XRN2: variants seen among roughly 807,000 people sequenced by gnomAD.
XRN2 encodes DHM1-like protein.
XRN2 carries 44 observed loss-of-function variants against 138.5 expected under a neutral mutation model. The ratio of observed to expected loss-of-function variants is 0.32; its 90% CI spans 0.25 to 0.41. The LOEUF (loss-of-function observed/expected upper bound fraction) is 0.41. Among genes scored for constraint, XRN2 ranks in the 10% least tolerant of loss-of-function variants. The pLI is 1.00. For synonymous variants in XRN2, 354 were observed against 369.4 expected, an observed-to-expected ratio of 0.96 and a Z score of 0.48; for missense variants, 937 against 1,169.3, an observed-to-expected ratio of 0.80 and a Z score of 2.90.
intron 14 of XRN2, among the ~76,000 whole-genome samples, chr20:21,340,015 T>C (rs1546995): frequency 0.64 from 97,953 of 152,088 alleles, 32,076 homozygotes; most frequent in South Asian, 0.78. Context: ...TTATATATTA[T>C]TATTTTTGTC....
At chr20:21,322,523 A>G (rs1205445848) in intron 1 of XRN2, among the ~76,000 whole-genome samples, 1 of 152,168 alleles carries the variant, frequency 6.6e-6, no homozygotes, top group Non-Finnish European at 1.5e-5. Flanking sequence ...AACCTCAGAC[A>G]TGATTCATGG....
chr20:21,361,523 CT>C (rs944223212), intron 24 of XRN2, among the ~76,000 whole-genome samples: 1 of 152,318 alleles, frequency 6.6e-6, no homozygotes, highest in East Asian at 1.9e-4. Context: ...GCTGGTCAGA[CT>C]GTTGAGTCCG....
chr20:21,376,690 G>A (rs1356189941), intron 27 of XRN2, among the ~76,000 whole-genome samples: 1 of 152,152 alleles, frequency 6.6e-6, no homozygotes, highest in African/African-American at 2.4e-5. Context: ...CTGGATAATT[G>A]AATATGAAGA....
At chr20:21,381,962 ATCT>A (rs1276837380) in intron 27 of XRN2, 29 bp from the exon 28 acceptor site, 2 of 1,571,188 alleles carry the variant, frequency 1.3e-6, no homozygotes, top group Admixed American at 2.0e-5. Flanking sequence ...ACTTTTAAAA[ATCT>A]TCTTAACCCT....
chr20:21,324,916 CTAT>C (rs2038103067), intron 1 of XRN2, among the ~76,000 whole-genome samples: 1 of 152,204 alleles, frequency 6.6e-6, no homozygotes, highest in Non-Finnish European at 1.5e-5. Flanking sequence ...GCAATCATCA[CTAT>C]TATCTGATTT....
intron 28 of XRN2, among the ~76,000 whole-genome samples, chr20:21,384,162 A>G (rs1420583971): frequency 2.0e-5 from 3 of 152,216 alleles, no homozygotes; most frequent in Non-Finnish European, 4.4e-5. Context: ...CAACACAGAC[A>G]CAGCCTAGAG....
At chr20:21,349,558 C>T (rs1270062818) in intron 20 of XRN2, 97 bp downstream of exon 20, 9 of 1,041,844 alleles carry the variant, frequency 8.6e-6, no homozygotes, top group African/African-American at 1.6e-5. Flanking sequence ...GCCTGGGCAA[C>T]ATGGTGAAAT....
At chr20:21,352,157 A>G (rs1600701433) in intron 20 of XRN2, among the ~76,000 whole-genome samples, 1 of 152,208 alleles carries the variant, frequency 6.6e-6, no homozygotes, top group East Asian at 1.9e-4. Flanking sequence ...GGTAAAATTT[A>G]GTACTGTTGG....
intron 9 of XRN2, among the ~76,000 whole-genome samples, chr20:21,333,154 G>GT (rs1240921854): frequency 4.6e-5 from 7 of 152,186 alleles, no homozygotes; most frequent in Non-Finnish European, 8.8e-5. Flanking sequence ...TCACAAGGAA[G>GT]GGGTAATCAT....
rs541810436 is a variant in XRN2, at chr20:21,363,989, T to C, written c.2256-1432T>C. On this transcript the variant is annotated intron_variant, in intron 24 of 29. Transcript: ENST00000377191. ...CTCTGTCGCCCAGGCTGGAGTGCAGTGGTGTGGTCTTGGCTCACTGCGACC... is the reference window on the plus strand; with the variant it reads ...CTCTGTCGCCCAGGCTGGAGTGCAGCGGTGTGGTCTTGGCTCACTGCGACC... Among the ~76,000 whole-genome samples, 29 of 152,232 alleles carry C rather than the reference T, an allele frequency of 1.9e-4. No individual in the cohort carries two copies. The South Asian group carries it at 5.8e-3, about 31-fold the overall frequency.
chr20:21,331,945 A>G lies in XRN2; in HGVS notation c.700+127A>G, dbSNP rs921446511. On this transcript the variant is annotated intron_variant, in intron 8 of 29. Transcript: ENST00000377191. ...AAATGCCTTGGTTATTTTATGTTCG[A>G]CAGGGAACTAGTATTGAGTTGCTGT... is the stretch of plus-strand genomic sequence containing the variant. 6 of 997,802 alleles carry G rather than the reference A, an allele frequency of 6.0e-6. No homozygotes were observed. The Admixed American group carries it at 1.4e-4, about 23-fold the overall frequency. The allele number at this position is 997,802 out of a possible 1,614,324, so 61.8% of individuals were successfully genotyped here.
chr20:21,311,704 A>G (rs1365225138), intron 1 of XRN2, among the ~76,000 whole-genome samples: 3 of 152,126 alleles, frequency 2.0e-5, no homozygotes, highest in African/African-American at 7.2e-5. Context: ...ATGATTATTG[A>G]TGGCCAGGCA....
At chr20:21,319,689 T>G (rs2038011026) in intron 1 of XRN2, among the ~76,000 whole-genome samples, 1 of 152,160 alleles carries the variant, frequency 6.6e-6, no homozygotes, top group Admixed American at 6.5e-5. Context: ...TGAACTTTAC[T>G]GCTATATAGT....
chr20:21,316,966 A>G (rs114686255), intron 1 of XRN2, among the ~76,000 whole-genome samples: 127 of 152,330 alleles, frequency 8.3e-4, no homozygotes, highest in African/African-American at 2.8e-3. Flanking sequence ...TTTGTATCCT[A>G]TAACCTTGCT....
intron 28 of XRN2, among the ~76,000 whole-genome samples, chr20:21,382,628 G>A (rs2038897842): frequency 6.6e-6 from 1 of 152,192 alleles, no homozygotes; most frequent in Non-Finnish European, 1.5e-5. Flanking sequence ...AAACGCAGAA[G>A]GGACTCAGAA....
At chr20:21,330,901 T>G (rs1419934626) in intron 6 of XRN2, among the ~76,000 whole-genome samples, 196 bp downstream of exon 6, 1 of 152,176 alleles carries the variant, frequency 6.6e-6, no homozygotes, top group East Asian at 1.9e-4. Context: ...GAATTTTCTC[T>G]TAAAGCCAAT....
intron 20 of XRN2, among the ~76,000 whole-genome samples, chr20:21,350,876 G>T (rs1335423144): frequency 3.3e-5 from 5 of 152,020 alleles, no homozygotes; most frequent in African/African-American, 1.2e-4. Context: ...ACCCATTGGG[G>T]TTATATAAGG....
At chr20:21,364,520 A>C (rs929273651) in intron 24 of XRN2, among the ~76,000 whole-genome samples, 19 of 152,152 alleles carry the variant, frequency 1.2e-4, no homozygotes, top group Non-Finnish European at 2.8e-4. Context: ...AAAAATAGTT[A>C]TACTGTCCAG....
rs1267134782 is a variant in XRN2 at position 21,340,911 on chromosome 20, G to T, written c.1410+59G>T. The T allele has an allele frequency of 5.7e-6, 9 of 1,581,728 alleles. No homozygotes were observed. The East Asian group carries it at 9.0e-5, about 16-fold the overall frequency. ...TGGTGAATATCACATACCTCTTGCA[G>T]GGGTGGTGTGTGTGTGAAATTTATC... is the stretch of plus-strand genomic sequence containing the variant. On this transcript the variant is annotated intron_variant, in intron 15 of 29. Transcript: ENST00000377191.
Sources: allele counts gnomAD v4.1 joint callset (sites outside exome capture counted in the v4.1 genomes callset), GRCh38; gene constraint gnomAD v4.1.1; transcripts MANE v1.5; gene names NCBI Gene and HGNC (gene_info 2026-07-23, HGNC 2026-07-21).